SEC24C: variants seen among roughly 807,000 people sequenced by gnomAD.
SEC24C encodes the protein SEC24 homolog C, COPII component.
Under a neutral mutation model 117.0 loss-of-function variants are expected in SEC24C, and 22 were observed. The observed-to-expected ratio is 0.19, with a 90% CI of 0.13 to 0.27. The LOEUF is 0.27. SEC24C is among the 10% of genes least tolerant of loss of function. The probability of loss-of-function intolerance (pLI) is 1.00; values close to 1 mark genes in which losing one functional copy is unlikely to be tolerated. For missense variants in SEC24C, 1,155 were observed against 1,375.1 expected (o/e 0.84, Z 2.53); for synonymous variants, 506 against 529.4 (o/e 0.96, Z 0.61).
chr10:73,749,705 G>T (rs1003645768), intron 2 of SEC24C, among the ~76,000 whole-genome samples: 1 of 151,806 alleles, frequency 6.6e-6, no homozygotes, highest in Non-Finnish European at 1.5e-5. Context: ...CACCACGCCC[G>T]GCTAATTTTT....
chr10:73,765,986 T>C, intron 10 of SEC24C, 71 bp downstream of exon 10: 1 of 1,584,304 alleles, frequency 6.3e-7, no homozygotes, highest in Non-Finnish European at 8.6e-7. Context: ...CTGTTATCAT[T>C]TCCCTCACCC....
chr10:73,766,032 G>C, intron 10 of SEC24C, 54 bp from the exon 11 acceptor site: 1 of 1,603,578 alleles, frequency 6.2e-7, no homozygotes, highest in Non-Finnish European at 8.5e-7. Context: ...CTTCTCTATA[G>C]TCAACTGGCC....
At chr10:73,750,802 A>T (rs1216763007) in intron 2 of SEC24C, among the ~76,000 whole-genome samples, 33 of 152,202 alleles carry the variant, frequency 2.2e-4, no homozygotes, top group Admixed American at 2.2e-3. Flanking sequence ...CTAGGGTAAG[A>T]ATATCAGGCA....
In SEC24C at chr10:73,770,905, T is replaced by C. The variant is rs1375011888; in HGVS notation, c.3145-50T>C. 6 of 1,613,686 alleles carry C rather than the reference T, an allele frequency of 3.7e-6. No homozygotes were observed. The Middle Eastern group carries it at 6.6e-4, about 178-fold the overall frequency. On this transcript the variant is annotated intron_variant, in intron 22 of 22. Coordinates refer to ENST00000345254, the MANE Select transcript of SEC24C (RefSeq NM_198597.3). ...GACTGCCTAATGAGATTTCTGGGCA[T>C]GTTTAATTTCCTTTGGCCTTGCCTT...
chr10:73,744,576 A>C (rs2082514287), intron 1 of SEC24C, 139 bp downstream of exon 1: 1 of 152,614 alleles, frequency 6.6e-6, no homozygotes, highest in Non-Finnish European at 1.5e-5. Context: ...CACCTCACGC[A>C]TCCACCATCC....
rs756715364 is a variant in SEC24C at position 73,767,050 on chromosome 10, C to A, written c.1894-4C>A. 1 of 1,603,324 alleles carries A rather than the reference C, an allele frequency of 6.2e-7. No homozygotes were observed. The highest frequency in any genetic ancestry group is 8.5e-7 in the Non-Finnish European group (1 of 1,174,192). On this transcript the variant is annotated splice_region_variant and splice_polypyrimidine_tract_variant and intron_variant, in intron 13 of 22. Coordinates refer to ENST00000345254, the MANE Select transcript of SEC24C (RefSeq NM_198597.3). ...TAAACAAGTAGTCCTCTCTTTTTTCCTAGGCTGCTGAGTGTGCAGGGAAGC... is the reference window on the plus strand; with the variant it reads ...TAAACAAGTAGTCCTCTCTTTTTTCATAGGCTGCTGAGTGTGCAGGGAAGC...
chr10:73,750,556 G>A (rs1242291710), intron 2 of SEC24C, among the ~76,000 whole-genome samples: 2 of 152,232 alleles, frequency 1.3e-5, no homozygotes, highest in Admixed American at 1.3e-4. Context: ...ATAGGAACAC[G>A]TTCCTGAATC....
chr10:73,766,695 C>A, intron 12 of SEC24C, 65 bp from the exon 13 acceptor site: 1 of 1,501,230 alleles, frequency 6.7e-7, no homozygotes, highest in Non-Finnish European at 9.2e-7. Flanking sequence ...TTCAGGGAAT[C>A]GAGAACTGAG....
Position 73,766,368 on chromosome 10 carries a change from G to T in SEC24C, c.1626G>T (p.Glu542Asp). Residue 542 changes from glutamate to aspartate, a missense_variant, in exon 12 of 23, where the codon GAG becomes GAT. Coordinates refer to ENST00000345254, the MANE Select transcript of SEC24C (RefSeq NM_198597.3). The part of the protein sequence containing the change: ...DFLPREGGAE[E>D]SAIRVGFVTY... ...TCTACAGGGAGGGTGGGGCAGAAGA[G>T]TCAGCAATCCGCGTTGGCTTTGTCA... is the stretch of plus-strand genomic sequence containing the variant. 1 of 1,608,266 alleles carries T rather than the reference G, an allele frequency of 6.2e-7. No homozygotes were observed. The highest frequency in any genetic ancestry group is 8.5e-7 in the Non-Finnish European group (1 of 1,176,032).
chr10:73,767,617 G>A (rs2082904951), intron 14 of SEC24C, among the ~76,000 whole-genome samples: 1 of 152,142 alleles, frequency 6.6e-6, no homozygotes, highest in Admixed American at 6.5e-5. Context: ...GCAGTGAGCT[G>A]AGATCATGCC....
chr10:73,760,465 G>GTT, intron 5 of SEC24C, 79 bp downstream of exon 5: 1 of 1,472,928 alleles, frequency 6.8e-7, no homozygotes, highest in Non-Finnish European at 9.0e-7. Context: ...TTATTTGTTT[G>GTT]TTTTTAGTAT....
In SEC24C at chr10:73,759,777, C is replaced by T. The variant is rs77481474; in HGVS notation, c.464C>T (p.Ser155Phe). ...ISGAVAPAPP[S>F]SGLGFGPPTS... ...GGTGCTGTGGCCCCAGCCCCTCCTT[C>T]TTCAGGGCTGGGCTTTGGTGAGTGG... The change falls in exon 4 of 23, where the codon TCT becomes TTT. Residue 155 changes from serine to phenylalanine, a missense_variant. Physicochemically the swap from Ser to Phe is radical, Grantham distance 155. Coordinates refer to ENST00000345254, the MANE Select transcript of SEC24C (RefSeq NM_198597.3). 33 of 1,591,306 alleles carry T rather than the reference C, an allele frequency of 2.1e-5. 1 individual carries two copies. In the South Asian group the frequency reaches 3.4e-4, roughly 17 times the overall value.
chr10:73,752,998 C>G (rs909141459), intron 3 of SEC24C, among the ~76,000 whole-genome samples: 7 of 152,138 alleles, frequency 4.6e-5, no homozygotes, highest in African/African-American at 1.7e-4. Context: ...TCTCTCCCTC[C>G]CCTCATAAAT....
At position 73,767,852 on chromosome 10, in the gene SEC24C, C is replaced by G; in HGVS notation, c.2026C>G (p.Gln676Glu). ...TDKEKTLFQP[Q>E]TGAYQTLAKE... is the part of the protein sequence containing the mutation. Reference sequence around the variant, plus strand: ...TTCCCCCTAGACTCTGTTCCAGCCTCAGACAGGTGCCTATCAGACCCTGGC... The same window carrying G: ...TTCCCCCTAGACTCTGTTCCAGCCTGAGACAGGTGCCTATCAGACCCTGGC... The change falls in exon 15 of 23, where the codon CAG (glutamine) becomes GAG (glutamate). Residue 676 changes from glutamine to glutamate, a missense_variant. Physicochemically the swap from Gln to Glu is conservative, Grantham distance 29. Around this residue, in one of 2 missense-constraint regions of SEC24C, gnomAD observed 759 missense variants for 992.3 expected, o/e 0.76. Transcript: ENST00000345254. 1 of 1,611,584 alleles carries G rather than the reference C, an allele frequency of 6.2e-7. No individual in the cohort carries two copies. Among genetic ancestry groups the G allele is most frequent in the South Asian group, 1.1e-5 (1 of 90,542 alleles).
rs375692050 is a variant in SEC24C, at chr10:73,765,807, C to G, written c.1374C>G (p.Pro458=). ...CTGCCATGCTTCCCACAGTTCCCCC[C>G]CAGTATTTTCAGCACCTGGATCATA... ...CFCSCINDVP[P]QYFQHLDHTG... is the part of the protein sequence containing the mutation. The change falls in exon 10 of 23, where the codon CCC becomes CCG. Residue 458 remains proline (P), a synonymous_variant. Transcript: ENST00000345254. The G allele has an allele frequency of 7.7e-5, 125 of 1,613,584 alleles. No individual in the cohort carries two copies. Among genetic ancestry groups the G allele is most frequent in the Non-Finnish European group, 9.5e-5 (112 of 1,179,624 alleles).
At chr10:73,765,420 T>A (rs751053095) in intron 8 of SEC24C, 31 bp from the exon 9 acceptor site, 1 of 1,596,888 alleles carries the variant, frequency 6.3e-7, no homozygotes, top group Non-Finnish European at 8.6e-7. Context: ...GGTTTTCCTT[T>A]ATGTCTGATC....
chr10:73,748,726 G>C (rs966931733), intron 2 of SEC24C, among the ~76,000 whole-genome samples: 3 of 148,270 alleles, frequency 2.0e-5, no homozygotes. Context: ...GTGAGCCACC[G>C]TACCTGGCCT....
intron 2 of SEC24C, among the ~76,000 whole-genome samples, chr10:73,750,286 T>A (rs1430601272): frequency 6.6e-6 from 1 of 152,226 alleles, no homozygotes; most frequent in African/African-American, 2.4e-5. Flanking sequence ...TAATCTCTAC[T>A]GAGGGCAGAG....
chr10:73,770,028 G>C lies in SEC24C; in HGVS notation c.2862+13G>C, dbSNP rs2082948920. 1.9e-6 allele frequency: 3 copies of C among 1,613,312 alleles called. No individual in the cohort carries two copies. The highest frequency in any genetic ancestry group is 2.5e-6 in the Non-Finnish European group (3 of 1,179,480). ...GCTCTTACCTTTGGTGCGATTGAGGGTTGGAGTATGAGATCTTGCACGGAG... is the reference window on the plus strand; with the variant it reads ...GCTCTTACCTTTGGTGCGATTGAGGCTTGGAGTATGAGATCTTGCACGGAG... On this transcript the variant is annotated intron_variant, in intron 20 of 22. Transcript: ENST00000345254.
Sources: allele counts gnomAD v4.1 joint callset (sites outside exome capture counted in the v4.1 genomes callset), GRCh38; gene constraint gnomAD v4.1.1; regional missense constraint gnomAD v4.1.1; transcripts MANE v1.5; gene names NCBI Gene and HGNC (gene_info 2026-07-23, HGNC 2026-07-21).